The following DIS3L2 variants were observed in gnomAD, a reference collection of about 807,000 sequenced individuals.
DIS3L2 encodes the protein DIS3-like exonuclease 2.
Under a neutral mutation model 97.5 loss-of-function variants are expected in DIS3L2, and 34 were observed. The ratio of observed to expected loss-of-function variants is 0.35; its 90% CI spans 0.27 to 0.46. The LOEUF (loss-of-function observed/expected upper bound fraction) is 0.46. DIS3L2 is among the 20% of genes least tolerant of loss of function. The pLI is 1.00. For missense variants in DIS3L2, 1,038 were observed against 1,146.0 expected, an observed-to-expected ratio of 0.91 and a Z score of 1.36; for synonymous variants, 435 against 445.2, an observed-to-expected ratio of 0.98 and a Z score of 0.29.
chr2:232,222,556 C>T (rs1379096492), intron 10 of DIS3L2, among the ~76,000 whole-genome samples: 3 of 152,154 alleles, frequency 2.0e-5, no homozygotes, highest in South Asian at 2.1e-4. Context: ...CTGCAACCTC[C>T]GCCTCCCAGC....
At chr2:232,177,255 G>A (rs1359186397) in intron 9 of DIS3L2, among the ~76,000 whole-genome samples, 3 of 143,870 alleles carry the variant, frequency 2.1e-5, no homozygotes, top group Non-Finnish European at 3.1e-5. Context: ...GAATAATGCC[G>A]CAATAAACAT....
At chr2:232,262,757 G>T (rs751722620) in intron 12 of DIS3L2, among the ~76,000 whole-genome samples, 1 of 152,114 alleles carries the variant, frequency 6.6e-6, no homozygotes, top group Non-Finnish European at 1.5e-5. Context: ...TTCTCCACCT[G>T]TGTTCACTCT....
intron 11 of DIS3L2, among the ~76,000 whole-genome samples, chr2:232,246,998 T>C (rs1002733403): frequency 5.0e-5 from 1 of 19,890 alleles, no homozygotes. Flanking sequence ...GCCCAAGTTA[T>C]AATGACTTTC....
At chr2:232,077,238 A>AG (rs1230406226) in intron 5 of DIS3L2, among the ~76,000 whole-genome samples, 1 of 151,482 alleles carries the variant, frequency 6.6e-6, no homozygotes, top group Non-Finnish European at 1.5e-5. Flanking sequence ...TGCCTGATGG[A>AG]GAAAGCCTTA....
chr2:232,295,043 T>A (rs55971921), intron 13 of DIS3L2, among the ~76,000 whole-genome samples: 16,320 of 152,136 alleles, frequency 0.11, 1,559 homozygotes, highest in East Asian at 0.46. Context: ...TCTTCCCTCA[T>A]ACCTTCCTGG....
chr2:232,279,909 G>A (rs1694239062), intron 13 of DIS3L2, among the ~76,000 whole-genome samples: 1 of 152,072 alleles, frequency 6.6e-6, no homozygotes. Context: ...CTAGTCTTTG[G>A]CTTGTCATTT....
intron 9 of DIS3L2, among the ~76,000 whole-genome samples, chr2:232,186,177 C>A (rs921410037): frequency 4.6e-5 from 7 of 151,922 alleles, no homozygotes; most frequent in Non-Finnish European, 1.0e-4. Context: ...AAGCCTTTAG[C>A]GAGATTGATG....
intron 13 of DIS3L2, among the ~76,000 whole-genome samples, chr2:232,266,162 T>C (rs562529086): frequency 1.3e-5 from 2 of 152,344 alleles, no homozygotes; most frequent in Non-Finnish European, 2.9e-5. Flanking sequence ...TGTCAGGTGA[T>C]CCCAGCTCAT....
In DIS3L2 at chr2:232,270,921, GTCTCTC is replaced by G. The variant is rs149683438; in HGVS notation, c.1659+7495_1659+7500del. Reference sequence around the variant, plus strand: ...CTCTCTCTCTCTCTCTCTCTGTCTCGTCTCTCTCTCTCTCTCTCTGTCTCTCTCAGG... The same window carrying G: ...CTCTCTCTCTCTCTCTCTCTGTCTCGTCTCTCTCTCTCTGTCTCTCTCAGG... On this transcript the variant is annotated intron_variant, in intron 13 of 20. Transcript: ENST00000325385. 3.0e-3 allele frequency among the ~76,000 whole-genome samples: 187 copies of G among 62,604 alleles called. 1 individual carries two copies. Among genetic ancestry groups the G allele is most frequent in the African/African-American group, 0.011 (181 of 16,866 alleles). 41.1% of individuals were successfully genotyped at this position (62,604 alleles called of 152,430 possible).
chr2:232,313,440 A>G (rs1180759199), intron 14 of DIS3L2, among the ~76,000 whole-genome samples: 1 of 152,238 alleles, frequency 6.6e-6, no homozygotes, highest in Non-Finnish European at 1.5e-5. Context: ...GCCATTTTAC[A>G]GAAGGATCTC....
chr2:232,157,685 G>A (rs931039066), intron 8 of DIS3L2, among the ~76,000 whole-genome samples: 1 of 152,196 alleles, frequency 6.6e-6, no homozygotes, highest in African/African-American at 2.4e-5. Context: ...GATCTGATGT[G>A]AAGTAGTTGG....
chr2:232,169,331 T>G (rs1690915468), intron 9 of DIS3L2, among the ~76,000 whole-genome samples: 1 of 152,102 alleles, frequency 6.6e-6, no homozygotes, highest in Non-Finnish European at 1.5e-5. Context: ...ATGTCATATA[T>G]GCCGTATATG....
intron 10 of DIS3L2, among the ~76,000 whole-genome samples, chr2:232,228,241 T>C (rs930880309): frequency 6.6e-6 from 1 of 152,182 alleles, no homozygotes; most frequent in Admixed American, 6.5e-5. Flanking sequence ...GCTGGGATTA[T>C]AGGCGTGAGC....
intron 6 of DIS3L2, chr2:232,111,402 C>T (rs758186733): frequency 3.8e-5 from 13 of 345,628 alleles, no homozygotes; most frequent in Non-Finnish European, 6.8e-5. Context: ...TACCGATTTT[C>T]GTCTGGATAT....
At chr2:232,007,272 A>G (rs994626179) in intron 1 of DIS3L2, among the ~76,000 whole-genome samples, 5 of 152,240 alleles carry the variant, frequency 3.3e-5, no homozygotes, top group Admixed American at 2.0e-4. Flanking sequence ...GAAAGCGAAG[A>G]TAGGTGCAGG....
At chr2:232,201,913 G>T (rs1691903967) in intron 9 of DIS3L2, among the ~76,000 whole-genome samples, 1 of 152,166 alleles carries the variant, frequency 6.6e-6, no homozygotes, top group African/African-American at 2.4e-5. Context: ...AGGGTATATG[G>T]ATGTTCATTT....
At chr2:232,264,496 T>G (rs925980828) in intron 13 of DIS3L2, among the ~76,000 whole-genome samples, 1 of 152,218 alleles carries the variant, frequency 6.6e-6, no homozygotes, top group African/African-American at 2.4e-5. Context: ...GTCAGTATAT[T>G]ACAGAGGAGA....
intron 16 of DIS3L2, among the ~76,000 whole-genome samples, chr2:232,332,946 G>A (rs1695787796): frequency 6.6e-6 from 1 of 152,020 alleles, no homozygotes; most frequent in South Asian, 2.1e-4. Flanking sequence ...TCGCATCCTG[G>A]GCTTTCTCTC....
intron 20 of DIS3L2, 164 bp from the exon 21 acceptor site, chr2:232,336,305 C>A: frequency 6.5e-7 from 1 of 1,547,360 alleles, no homozygotes; most frequent in Non-Finnish European, 8.7e-7. Flanking sequence ...TCTGCCCTGA[C>A]CCAGGGCATT....
Sources: allele counts gnomAD v4.1 joint callset (sites outside exome capture counted in the v4.1 genomes callset), GRCh38; gene constraint gnomAD v4.1.1; transcripts MANE v1.5; gene names NCBI Gene and HGNC (gene_info 2026-07-23, HGNC 2026-07-21).